SLC2A12: variants seen among roughly 807,000 people sequenced by gnomAD.
The protein encoded by SLC2A12 is solute carrier family 2, facilitated glucose transporter member 12.
A neutral mutation model predicts 41.8 loss-of-function variants in SLC2A12; 23 were observed. The observed-to-expected ratio is 0.55, with a 90% CI of 0.40 to 0.78. The LOEUF is 0.78. Among genes scored for constraint, SLC2A12 ranks in the 30% least tolerant of loss-of-function variants. The pLI, the probability that SLC2A12 is intolerant of heterozygous loss-of-function variation, is 0.00. For synonymous variants in SLC2A12, 295 were observed against 285.9 expected (o/e 1.03, Z -0.32); for missense variants, 654 against 745.6 (o/e 0.88, Z 1.43).
intron 3 of SLC2A12, among the ~76,000 whole-genome samples, chr6:134,006,193 C>CAAAAA (rs571711008): frequency 2.5e-5 from 3 of 121,606 alleles, no homozygotes; most frequent in East Asian, 2.4e-4. Flanking sequence ...AAAAAAAAAA[C>CAAAAA]AAAAAAAAAA....
In SLC2A12 at chr6:133,997,085, CAAAAAAA is replaced by C. The variant is rs58295985; in HGVS notation, c.1700+4905_1700+4911del. 5.5e-3 allele frequency among the ~76,000 whole-genome samples: 386 copies of C among 70,714 alleles called. 5 individuals are homozygous for C. Among genetic ancestry groups the C allele is most frequent in the African/African-American group, 0.019 (354 of 18,172 alleles). The allele number at this position is 70,714 out of a possible 152,430, so 46.4% of individuals were successfully genotyped here. Reference sequence around the variant, plus strand: ...TGAAACCCCGTCTCTACTAAAAATACAAAAAAAAAAAAAAAAAAAAAAAAAGCCGGGC... The same window carrying C: ...TGAAACCCCGTCTCTACTAAAAATACAAAAAAAAAAAAAAAAAAGCCGGGC... On this transcript the variant is annotated intron_variant, in intron 4 of 4. Coordinates refer to ENST00000275230, the MANE Select transcript of SLC2A12 (RefSeq NM_145176.3).
chr6:134,005,692 A>G (rs1026724391), intron 3 of SLC2A12, among the ~76,000 whole-genome samples: 4 of 130,386 alleles, frequency 3.1e-5, no homozygotes, highest in Admixed American at 7.8e-5. Flanking sequence ...AAAAAAAAAA[A>G]AGAATCTCCC....
chr6:134,032,226 T>G (rs1022356373), intron 1 of SLC2A12, among the ~76,000 whole-genome samples: 1 of 151,506 alleles, frequency 6.6e-6, no homozygotes, highest in Admixed American at 6.6e-5. Context: ...AAAAAAGCAC[T>G]GAATATTTAG....
At chr6:134,033,092 T>C (rs1204032194) in intron 1 of SLC2A12, among the ~76,000 whole-genome samples, 1 of 151,830 alleles carries the variant, frequency 6.6e-6, no homozygotes, top group Non-Finnish European at 1.5e-5. Context: ...GTGGGGCACA[T>C]TGTGAGCCTG....
chr6:133,991,889 AC>A (rs2114411202), intron 4 of SLC2A12, among the ~76,000 whole-genome samples: 1 of 152,316 alleles, frequency 6.6e-6, no homozygotes, highest in East Asian at 1.9e-4. Flanking sequence ...CAAGGAGCTT[AC>A]TTAGATTTTA....
chr6:134,011,162 G>GA (rs1776876880), intron 2 of SLC2A12, among the ~76,000 whole-genome samples: 1 of 152,118 alleles, frequency 6.6e-6, no homozygotes. Flanking sequence ...TTGTAGGAGT[G>GA]AAAAATCCTT....
chr6:134,029,875 T>C (rs1777177966), intron 1 of SLC2A12, among the ~76,000 whole-genome samples, 154 bp from the exon 2 acceptor site: 2 of 152,164 alleles, frequency 1.3e-5, no homozygotes, highest in Admixed American at 1.3e-4. Context: ...AACCAAAAAA[T>C]GATTTGATAT....
chr6:134,049,188 T>C (rs939914312), intron 1 of SLC2A12, among the ~76,000 whole-genome samples: 12 of 152,232 alleles, frequency 7.9e-5, no homozygotes, highest in Non-Finnish European at 1.6e-4. Context: ...TGTGGCATCT[T>C]CAGAGGGGAT....
Position 133,988,806 on chromosome 6 carries a change from TGAAA to T in SLC2A12, c.*2345_*2348del, listed in dbSNP as rs907309396. 1 of 152,124 alleles carries T rather than the reference TGAAA, an allele frequency of 6.6e-6. No homozygotes were observed. Among genetic ancestry groups the T allele is most frequent in the East Asian group, 1.9e-4 (1 of 5,188 alleles). The allele number at this position is 152,124 out of a possible 1,614,324, so 9.4% of individuals were successfully genotyped here. A position where few individuals can be genotyped will look rare whatever the true frequency, so the allele number is the denominator to read the frequency against. Reference sequence around the variant, plus strand: ...CAAATTCATAGAGAATAAAATTACATGAAAGAGTTACAAGCTCACTGTTTTAAAG... The same window carrying T: ...CAAATTCATAGAGAATAAAATTACATGAGTTACAAGCTCACTGTTTTAAAG... On this transcript the variant is annotated 3_prime_UTR_variant, in exon 5 of 5. Coordinates refer to ENST00000275230, the MANE Select transcript of SLC2A12 (RefSeq NM_145176.3).
chr6:134,032,447 T>TATATATAA (rs1162366373), intron 1 of SLC2A12, among the ~76,000 whole-genome samples: 3 of 33,476 alleles, frequency 9.0e-5, no homozygotes, highest in African/African-American at 3.7e-4. Flanking sequence ...TATATATATA[T>TATATATAA]AAATATATAT....
rs188432483 is a variant in SLC2A12, at chr6:133,991,603, A to G, written c.1701-295T>C. ...AGAGAACCAGTGGAGGTTTCATCCC[A>G]GACCTTATTTTTTTCCATTTCTCAA... On this transcript the variant is annotated intron_variant, in intron 4 of 4. Coordinates refer to ENST00000275230, the MANE Select transcript of SLC2A12 (RefSeq NM_145176.3). Among the ~76,000 whole-genome samples the G allele has an allele frequency of 4.9e-3, 749 of 152,272 alleles. 10 individuals are homozygous for G. Among genetic ancestry groups the G allele is most frequent in the African/African-American group, 0.017 (706 of 41,552 alleles).
chr6:134,043,820 T>G (rs1424732017), intron 1 of SLC2A12, among the ~76,000 whole-genome samples: 1 of 151,752 alleles, frequency 6.6e-6, no homozygotes, highest in Non-Finnish European at 1.5e-5. Flanking sequence ...AAAAGAAATT[T>G]TCTTGATGTC....
At position 134,017,019 on chromosome 6, in the gene SLC2A12, T is replaced by C. The variant is rs539799347; in HGVS notation, c.1445-10085A>G. 1.2e-4 allele frequency among the ~76,000 whole-genome samples: 19 copies of C among 152,222 alleles called. No homozygotes were observed. The East Asian group carries it at 2.5e-3, about 20-fold the overall frequency. On this transcript the variant is annotated intron_variant, in intron 2 of 4. Coordinates refer to ENST00000275230, the MANE Select transcript of SLC2A12 (RefSeq NM_145176.3). ...AAAAGTTTAAATACATTCAATTACA[T>C]GAAACCAAGGTAGGAATAATTATCC...
Position 134,052,561 on chromosome 6 carries a change from A to G in SLC2A12, c.-81T>C. ...GCTCCCAGGAGTGGTCACTTTCCCC[A>G]TAATAGCATGCTAAAGAAGAGTGTG... On this transcript the variant is annotated 5_prime_UTR_variant, in exon 1 of 5. An upstream start codon of the reference 5' UTR is lost. Coordinates refer to ENST00000275230, the MANE Select transcript of SLC2A12 (RefSeq NM_145176.3). The G allele has an allele frequency of 1.9e-6, 2 of 1,040,530 alleles. No individual in the cohort carries two copies. The highest frequency in any genetic ancestry group is 1.3e-5 in the South Asian group (1 of 74,390). 64.5% of individuals were successfully genotyped at this position (1,040,530 alleles called of 1,614,324 possible). A position where few individuals can be genotyped will look rare whatever the true frequency, so the allele number is the denominator to read the frequency against.
At chr6:134,022,852 A>T (rs1777063522) in intron 2 of SLC2A12, among the ~76,000 whole-genome samples, 1 of 152,166 alleles carries the variant, frequency 6.6e-6, no homozygotes, top group East Asian at 1.9e-4. Flanking sequence ...GTACTACATG[A>T]TTTTCCTGTA....
At chr6:134,024,812 T>G (rs780465415) in intron 2 of SLC2A12, among the ~76,000 whole-genome samples, 3 of 152,214 alleles carry the variant, frequency 2.0e-5, no homozygotes, top group Non-Finnish European at 4.4e-5. Context: ...CCTGGGCACC[T>G]CCACAACACC....
At chr6:134,004,077 G>A (rs1487748151) in intron 3 of SLC2A12, among the ~76,000 whole-genome samples, 1 of 152,144 alleles carries the variant, frequency 6.6e-6, no homozygotes, top group African/African-American at 2.4e-5. Context: ...TGTTCTAAAA[G>A]CCCATACGGA....
rs144722483 is a variant in SLC2A12 at position 134,002,119 on chromosome 6, G to T, written c.1578C>A (p.Gly526=). 4.1e-5 allele frequency: 65 copies of T among 1,594,830 alleles called. 1 individual carries two copies. Among genetic ancestry groups the T allele is most frequent in the African/African-American group, 3.4e-4 (25 of 73,306 alleles). ...TATATATAAAGCACACCCATGGCAG[G>T]CCAATAAGATCTATAAAGGACAAAA... ...LTFLTVTDLI[G]LPWVCFIYTI... The change falls in exon 4 of 5, where the codon GGC becomes GGA. Residue 526 remains glycine, a synonymous_variant. Coordinates refer to ENST00000275230, the MANE Select transcript of SLC2A12 (RefSeq NM_145176.3).
At chr6:134,041,224 C>T (rs1357865121) in intron 1 of SLC2A12, among the ~76,000 whole-genome samples, 2 of 152,182 alleles carry the variant, frequency 1.3e-5, no homozygotes, top group African/African-American at 4.8e-5. Context: ...TTTGTCTCTT[C>T]TTAACACTAG....
Sources: gnomAD v4.1 joint callset for allele counts (sites outside exome capture counted in the v4.1 genomes callset) on GRCh38, gnomAD v4.1.1 for gene constraint, MANE v1.5 for transcripts, NCBI Gene and HGNC (gene_info 2026-07-23, HGNC 2026-07-21) for gene names.